The following UCK2 variants were observed in gnomAD, a reference collection of about 807,000 sequenced individuals.
The protein encoded by UCK2 is cytidine monophosphokinase 2.
UCK2 carries 6 observed loss-of-function variants against 30.8 expected under a neutral mutation model. That is an observed-to-expected ratio of 0.19 (90% CI 0.11 to 0.38). UCK2 has a LOEUF of 0.38. Among genes scored for constraint, UCK2 ranks in the 10% least tolerant of loss-of-function variants. The pLI is 1.00. For synonymous variants in UCK2, 125 were observed against 133.6 expected (o/e 0.94, Z 0.45); for missense variants, 210 against 339.8 (o/e 0.62, Z 3.00).
chr1:165,854,643 A>AAATG (rs1491505639), intron 1 of UCK2, among the ~76,000 whole-genome samples: 1 of 145,054 alleles, frequency 6.9e-6, no homozygotes, highest in Non-Finnish European at 1.5e-5. Flanking sequence ...ATAAATAAAT[A>AAATG]AAGTGAGTGT....
At chr1:165,895,766 CTG>C (rs1268347862) in intron 3 of UCK2, 6 of 524,246 alleles carry the variant, frequency 1.1e-5, no homozygotes, top group Non-Finnish European at 1.5e-5. Context: ...TGAGAGAAAA[CTG>C]TGAGTTTCTG....
chr1:165,878,167 C>T (rs1246603573), intron 1 of UCK2, among the ~76,000 whole-genome samples: 2 of 152,168 alleles, frequency 1.3e-5, no homozygotes, highest in East Asian at 1.9e-4. Context: ...CCCCTGGCAA[C>T]CACTGATCTT....
chr1:165,844,369 T>C lies in UCK2; in HGVS notation c.99+16437T>C, dbSNP rs142100012. 9.3e-4 allele frequency among the ~76,000 whole-genome samples: 141 copies of C among 152,286 alleles called. 3 individuals carry two copies. Among genetic ancestry groups the C allele is most frequent in the African/African-American group, 3.3e-3 (136 of 41,568 alleles). ...TGGTACTGTGATATAATAAGAAATATGTGTTTGGTCTCTGCCCCCTCATTC... is the reference window on the plus strand; with the variant it reads ...TGGTACTGTGATATAATAAGAAATACGTGTTTGGTCTCTGCCCCCTCATTC... On this transcript the variant is annotated intron_variant, in intron 1 of 6. Transcript: ENST00000367879.
chr1:165,828,197 G>T (rs888642326), intron 1 of UCK2, among the ~76,000 whole-genome samples: 1 of 152,114 alleles, frequency 6.6e-6, no homozygotes, highest in Non-Finnish European at 1.5e-5. Context: ...TTCTCCCCCC[G>T]CGTTAATAAC....
chr1:165,867,525 A>G (rs1476702510), intron 1 of UCK2, among the ~76,000 whole-genome samples: 7 of 152,236 alleles, frequency 4.6e-5, no homozygotes, highest in South Asian at 2.1e-4. Flanking sequence ...AACTAAGCTT[A>G]TGGAATATTC....
intron 1 of UCK2, among the ~76,000 whole-genome samples, chr1:165,840,846 T>C (rs1654310497): frequency 6.6e-6 from 1 of 152,156 alleles, no homozygotes; most frequent in African/African-American, 2.4e-5. Flanking sequence ...TATTAGCATC[T>C]TTTTAAAAAA....
At chr1:165,897,679 G>A (rs1170112631) in intron 4 of UCK2, among the ~76,000 whole-genome samples, 1 of 152,170 alleles carries the variant, frequency 6.6e-6, no homozygotes, top group Non-Finnish European at 1.5e-5. Context: ...CAGATCTGTA[G>A]TTTATCCCAT....
At chr1:165,881,846 G>T (rs1238415022) in intron 1 of UCK2, among the ~76,000 whole-genome samples, 3 of 152,182 alleles carry the variant, frequency 2.0e-5, no homozygotes, top group Admixed American at 2.0e-4. Context: ...TAGTAATAGA[G>T]CTTAATGAGA....
intron 1 of UCK2, among the ~76,000 whole-genome samples, chr1:165,841,967 T>C (rs1387087523): frequency 2.0e-5 from 3 of 152,144 alleles, no homozygotes; most frequent in Non-Finnish European, 4.4e-5. Context: ...CATAAAGTGT[T>C]GTCGCAGGTG....
intron 1 of UCK2, among the ~76,000 whole-genome samples, chr1:165,858,811 G>T (rs903243581): frequency 6.6e-6 from 1 of 152,174 alleles, no homozygotes; most frequent in African/African-American, 2.4e-5. Flanking sequence ...GAATGCTGAT[G>T]GGGCAAGGGT....
At chr1:165,872,121 C>CTGGA (rs1655211068) in intron 1 of UCK2, among the ~76,000 whole-genome samples, 1 of 151,892 alleles carries the variant, frequency 6.6e-6, no homozygotes, top group East Asian at 1.9e-4. Flanking sequence ...GTCACACAGG[C>CTGGA]TGGAGTACAG....
At chr1:165,900,922 C>G (rs559472915) in intron 4 of UCK2, among the ~76,000 whole-genome samples, 1 of 152,360 alleles carries the variant, frequency 6.6e-6, no homozygotes, top group South Asian at 2.1e-4. Flanking sequence ...CTCTGATACC[C>G]TTTTGATCTG....
At position 165,899,529 on chromosome 1, in the gene UCK2, A is replaced by G. The variant is rs117427543; in HGVS notation, c.499+3197A>G. Among the ~76,000 whole-genome samples, 1,350 of 152,290 alleles carry G rather than the reference A, an allele frequency of 8.9e-3. 36 individuals carry two copies. The highest frequency in any genetic ancestry group is 0.057 in the Admixed American group (873 of 15,304). ...AATTATCTTTATTTTGGGTCCCTCT[A>G]AGTTTCTTTCTTGGCTTTTGGCTAA... On this transcript the variant is annotated intron_variant, in intron 4 of 6. Transcript: ENST00000367879.
intron 5 of UCK2, 123 bp from the exon 6 acceptor site, chr1:165,905,798 T>C: frequency 2.7e-6 from 2 of 739,026 alleles, no homozygotes; most frequent in Middle Eastern, 3.3e-4. Flanking sequence ...TTTGAAGCCT[T>C]AAAAGGTGCT....
intron 1 of UCK2, among the ~76,000 whole-genome samples, chr1:165,837,543 T>C (rs1654226116): frequency 6.6e-6 from 1 of 152,202 alleles, no homozygotes; most frequent in Non-Finnish European, 1.5e-5. Context: ...GTTGCTCTTT[T>C]GCTCTTTTTG....
chr1:165,873,823 TCTCC>T (rs1202937101), intron 1 of UCK2, among the ~76,000 whole-genome samples: 2 of 151,702 alleles, frequency 1.3e-5, no homozygotes, highest in Non-Finnish European at 2.9e-5. Context: ...TTCAAACCAT[TCTCC>T]CTCCCTCCCT....
chr1:165,897,849 G>A (rs1254325554), intron 4 of UCK2: 2 of 152,136 alleles, frequency 1.3e-5, no homozygotes, highest in South Asian at 2.1e-4. Flanking sequence ...AGTTTTGTGT[G>A]ATGGAAAAAA....
intron 2 of UCK2, chr1:165,890,729 C>T (rs191137230): frequency 3.0e-5 from 8 of 265,712 alleles, no homozygotes; most frequent in Admixed American, 9.5e-5. Flanking sequence ...GTGTGTTCAA[C>T]CCACTGTCTG....
intron 1 of UCK2, among the ~76,000 whole-genome samples, chr1:165,889,216 T>C (rs560926051): frequency 4.6e-4 from 70 of 152,360 alleles, no homozygotes; most frequent in African/African-American, 1.6e-3. Context: ...ACTGTAGATG[T>C]GAAGTCATGG....
Sources: allele counts gnomAD v4.1 joint callset (sites outside exome capture counted in the v4.1 genomes callset), GRCh38; gene constraint gnomAD v4.1.1; transcripts MANE v1.5; gene names NCBI Gene and HGNC (gene_info 2026-07-23, HGNC 2026-07-21).